Variants in CCDC180 observed in about 807,000 individuals in gnomAD.
The protein encoded by CCDC180 is coiled-coil domain containing 180.
CCDC180 carries 154 observed loss-of-function variants against 209.2 expected under a neutral mutation model. That is an observed-to-expected ratio of 0.74 (90% confidence interval 0.65 to 0.84). CCDC180 has a LOEUF of 0.84. Ranked by LOEUF, CCDC180 falls within the 40% of genes least tolerant of loss-of-function variation. The pLI, the probability that CCDC180 is intolerant of heterozygous loss-of-function variation, is 0.00. For missense variants in CCDC180, 1,874 were observed against 1,997.3 expected, an observed-to-expected ratio of 0.94 and a Z score of 1.18; for synonymous variants, 778 against 749.1, an observed-to-expected ratio of 1.04 and a Z score of -0.63.
In CCDC180 at chr9:97,377,102, G is replaced by A. The variant is rs1827280857; in HGVS notation, c.*208G>A. On this transcript the variant is annotated 3_prime_UTR_variant, in exon 37 of 37. Coordinates refer to ENST00000529487, the MANE Select transcript of CCDC180 (RefSeq NM_020893.6). ...TCCCATGAGGAAGGCAAGCATGAAAGGGGAATTCCACGTGGTTAGCAGGGA... is the reference window on the plus strand; with the variant it reads ...TCCCATGAGGAAGGCAAGCATGAAAAGGGAATTCCACGTGGTTAGCAGGGA... 1 of 433,804 alleles carries A rather than the reference G, an allele frequency of 2.3e-6. No individual in the cohort carries two copies. Among genetic ancestry groups the A allele is most frequent in the East Asian group, 4.2e-5 (1 of 23,738 alleles). The allele number at this position is 433,804 out of a possible 1,614,324, so 26.9% of individuals were successfully genotyped here.
At chr9:97,365,848 C>T in intron 30 of CCDC180, 109 bp downstream of exon 30, 1 of 894,468 alleles carries the variant, frequency 1.1e-6, no homozygotes, top group Admixed American at 2.1e-5. Flanking sequence ...GGATTCCACC[C>T]CCGCCATGAC....
rs373976849 is a variant in CCDC180 at position 97,371,572 on chromosome 9, T to G, written c.4489-23T>G. 8 of 1,502,404 alleles carry G rather than the reference T, an allele frequency of 5.3e-6. No individual in the cohort carries two copies. The African/African-American group carries it at 5.5e-5, about 10-fold the overall frequency. 93.1% of individuals were successfully genotyped at this position (1,502,404 alleles called of 1,614,324 possible). On this transcript the variant is annotated intron_variant, in intron 33 of 36. Coordinates refer to ENST00000529487, the MANE Select transcript of CCDC180 (RefSeq NM_020893.6). Reference sequence around the variant, plus strand: ...AGGGATGATCCTCTCCTAGCAGCACTGTGCTCACCATGTTTTTTCCAGGAA... The same window carrying G: ...AGGGATGATCCTCTCCTAGCAGCACGGTGCTCACCATGTTTTTTCCAGGAA...
At chr9:97,376,526 C>G (rs1478244438) in intron 36 of CCDC180, 2 of 432,378 alleles carry the variant, frequency 4.6e-6, no homozygotes, top group Admixed American at 3.7e-5. Context: ...AGTCCCTGCT[C>G]AGCCTCCTTC....
At chr9:97,353,969 CTT>C (rs1435252838) in intron 22 of CCDC180, among the ~76,000 whole-genome samples, 1 of 151,224 alleles carries the variant, frequency 6.6e-6, no homozygotes, top group African/African-American at 2.4e-5. Context: ...CCAAGCTCCC[CTT>C]CTAGTTTCAC....
chr9:97,365,581 C>A, intron 29 of CCDC180, 92 bp from the exon 30 acceptor site: 1 of 1,177,468 alleles, frequency 8.5e-7, no homozygotes, highest in Non-Finnish European at 1.3e-6. Context: ...ACGGCCAAAA[C>A]AGAGCACTTG....
At chr9:97,347,709 A>T (rs914877080) in intron 20 of CCDC180, 21 of 484,680 alleles carry the variant, frequency 4.3e-5, no homozygotes, top group South Asian at 6.4e-5. Flanking sequence ...TCTCATTTCC[A>T]TTTTTTTTTC....
In CCDC180 at chr9:97,361,744, C is replaced by T. The variant is rs1436330353; in HGVS notation, c.3502C>T (p.Gln1168Ter). 3 of 1,613,916 alleles carry T rather than the reference C, an allele frequency of 1.9e-6. No homozygotes were observed. Among genetic ancestry groups the T allele is most frequent in the Non-Finnish European group, 2.5e-6 (3 of 1,180,016 alleles). ...CCTGCAGAACACCATCCTGAAGGAC[C>T]AGGAGGAAGACAGTGACATCCTGAC... ...LVFTNTILKD[Q>*]EEDSDILTSS... The change falls in exon 27 of 37, where the codon CAG (glutamine) becomes TAG (stop). Residue 1168 changes from glutamine (Q) to a stop codon, truncating the protein, a stop_gained. Coordinates refer to ENST00000529487, the MANE Select transcript of CCDC180 (RefSeq NM_020893.6). LOFTEE classifies it high-confidence loss of function.
intron 34 of CCDC180, chr9:97,372,434 C>T (rs1337289255): frequency 6.6e-6 from 1 of 152,134 alleles, no homozygotes; most frequent in Non-Finnish European, 1.5e-5. Flanking sequence ...AGACGTTTGG[C>T]CTAGCACGTC....
chr9:97,318,589 G>T lies in CCDC180; in HGVS notation c.1079+7G>T. On this transcript the variant is annotated splice_region_variant and intron_variant, in intron 10 of 36. Transcript: ENST00000529487. ...AGCATCTCTGCACCATCTGGTATGGGCAGGAGGGGCGGCCCAGGAGGGGTG... is the reference window on the plus strand; with the variant it reads ...AGCATCTCTGCACCATCTGGTATGGTCAGGAGGGGCGGCCCAGGAGGGGTG... 2.5e-6 allele frequency: 4 copies of T among 1,611,286 alleles called. No homozygotes were observed. Among genetic ancestry groups the T allele is most frequent in the Non-Finnish European group, 3.4e-6 (4 of 1,179,342 alleles).
Position 97,333,514 on chromosome 9 carries a change from T to G in CCDC180, c.2274+2747T>G, listed in dbSNP as rs1034614706. Among the ~76,000 whole-genome samples, 126 of 149,536 alleles carry G rather than the reference T, an allele frequency of 8.4e-4. 1 individual carries two copies. Among genetic ancestry groups the G allele is most frequent in the Admixed American group, 3.0e-3 (46 of 15,088 alleles). The stretch of plus-strand genomic sequence containing the variant: ...GGTCCTGGGTTTGGGTTTTTTTTTT[T>G]TTTTTTTTTTTTTTTGGTTTGTAGG... On this transcript the variant is annotated intron_variant, in intron 18 of 36. Transcript: ENST00000529487.
Position 97,343,203 on chromosome 9 carries a change from A to T in CCDC180, c.2275-137A>T. ...TTTAAAAGCACTGTGTGGGGGGCGA[A>T]AAAACCTAGGCAAGATTCGGCCCAT... On this transcript the variant is annotated intron_variant, in intron 18 of 36. Coordinates refer to ENST00000529487, the MANE Select transcript of CCDC180 (RefSeq NM_020893.6). 6.9e-6 allele frequency: 4 copies of T among 576,574 alleles called. No individual in the cohort carries two copies. The South Asian group carries it at 7.2e-5, about 10-fold the overall frequency. 35.7% of individuals were successfully genotyped at this position (576,574 alleles called of 1,614,324 possible).
At chr9:97,318,336 G>T in intron 9 of CCDC180, 127 bp from the exon 10 acceptor site, 1 of 1,159,308 alleles carries the variant, frequency 8.6e-7, no homozygotes, top group East Asian at 2.7e-5. Flanking sequence ...GGGAGGAAGG[G>T]GCTGGGGGTG....
intron 24 of CCDC180, among the ~76,000 whole-genome samples, chr9:97,356,981 C>CTGCAAAGACACTA (rs1246988976): frequency 3.3e-5 from 5 of 152,222 alleles, no homozygotes; most frequent in African/African-American, 1.2e-4. Context: ...TTTAAATATT[C>CTGCAAAGACACTA]TGCAAAGACA....
At chr9:97,351,450 T>C (rs977541429) in intron 22 of CCDC180, among the ~76,000 whole-genome samples, 2 of 152,234 alleles carry the variant, frequency 1.3e-5, no homozygotes, top group African/African-American at 2.4e-5. Flanking sequence ...GGCCATTCTT[T>C]CCCCTTATTT....
At position 97,336,826 on chromosome 9, in the gene CCDC180, T is replaced by G. The variant is rs141139734; in HGVS notation, c.2274+6059T>G. ...AATGTTCTTCCATTTGTTTGTGTCC[T>G]CTTTTATTTCTTTGAGCAGTGGTTT... is the stretch of plus-strand genomic sequence containing the variant. On this transcript the variant is annotated intron_variant, in intron 18 of 36. Transcript: ENST00000529487. 9.7e-3 allele frequency among the ~76,000 whole-genome samples: 1,470 copies of G among 152,320 alleles called. 22 individuals carry two copies. The highest frequency in any genetic ancestry group is 0.033 in the African/African-American group (1,381 of 41,558).
rs569145414 is a variant in CCDC180, at chr9:97,367,782, A to G, written c.4189+1082A>G. ...AGCCACTGCGCCCAGCCAGAGCCTC[A>G]GTTTTCTTGTCTGTGGACTGCAGAT... On this transcript the variant is annotated intron_variant, in intron 31 of 36. Transcript: ENST00000529487. 3.9e-5 allele frequency among the ~76,000 whole-genome samples: 6 copies of G among 152,274 alleles called. No individual in the cohort carries two copies. The South Asian group carries it at 6.2e-4, about 16-fold the overall frequency.
chr9:97,362,682 A>T (rs1179052720), intron 28 of CCDC180, among the ~76,000 whole-genome samples: 6 of 150,360 alleles, frequency 4.0e-5, no homozygotes, highest in African/African-American at 1.3e-4. Context: ...GACGGGGCAG[A>T]TGGCTTTCCT....
chr9:97,342,119 C>T (rs1160678026), intron 18 of CCDC180, among the ~76,000 whole-genome samples: 1 of 152,228 alleles, frequency 6.6e-6, no homozygotes, highest in African/African-American at 2.4e-5. Context: ...TCCCCCGACC[C>T]CTTGCGCTTC....
intron 20 of CCDC180, chr9:97,347,748 G>A (rs553115221): frequency 7.3e-6 from 3 of 413,050 alleles, no homozygotes; most frequent in Admixed American, 4.0e-5. Context: ...AAAACAAAGA[G>A]TGTTGTACTG....
Sources: allele counts gnomAD v4.1 joint callset (sites outside exome capture counted in the v4.1 genomes callset), GRCh38; gene constraint gnomAD v4.1.1; transcripts MANE v1.5; gene names NCBI Gene and HGNC (gene_info 2026-07-23, HGNC 2026-07-21).